The following INSYN2B variants were observed in gnomAD, a reference collection of about 807,000 sequenced individuals.
The protein encoded by INSYN2B is inhibitory synaptic factor family member 2B, also known as protein INSYN2B.
Under a neutral mutation model 41.2 loss-of-function variants are expected in INSYN2B, and 16 were observed. That is an observed-to-expected ratio of 0.39 (90% CI 0.26 to 0.59). INSYN2B has a LOEUF of 0.59. INSYN2B is among the 20% of genes least tolerant of loss of function. INSYN2B has a pLI of 0.57. For missense variants in INSYN2B, 608 were observed against 646.4 expected (o/e 0.94, Z 0.64); for synonymous variants, 245 against 244.4 (o/e 1.00, Z -0.02).
At chr5:169,893,829 G>A (rs547651755) in intron 1 of INSYN2B, among the ~76,000 whole-genome samples, 33 of 152,280 alleles carry the variant, frequency 2.2e-4, no homozygotes, top group African/African-American at 7.9e-4. Flanking sequence ...TTTCCACATG[G>A]GAGAGGGATC....
chr5:169,869,403 A>T (rs1771797802), intron 3 of INSYN2B, among the ~76,000 whole-genome samples: 1 of 152,260 alleles, frequency 6.6e-6, no homozygotes, highest in Non-Finnish European at 1.5e-5. Flanking sequence ...AATATGGAGA[A>T]GTGTGTGTGC....
At chr5:169,953,326 CTATCTCAAA>C in intron 1 of INSYN2B, among the ~76,000 whole-genome samples, 1 of 126,872 alleles carries the variant, frequency 7.9e-6, no homozygotes, top group Middle Eastern at 3.8e-3. Context: ...GAGCAAGACT[CTATCTCAAA>C]AAAAAAAAAA....
In INSYN2B at chr5:169,882,934, T is replaced by TGGGC; in HGVS notation, c.961_964dup (p.His322ArgfsTer14). The TGGGC allele has an allele frequency of 1.3e-6, 2 of 1,551,884 alleles. No homozygotes were observed. The highest frequency in any genetic ancestry group is 1.7e-6 in the Non-Finnish European group (2 of 1,146,940). On this transcript the variant is annotated frameshift_variant, in exon 2 of 4. Transcript: ENST00000377365. LOFTEE classifies it high-confidence loss of function. ...AGGACAGTCTGAGGCTCTTCCTGGG[T>TGGGC]GGGCTGGCTGGCTGTGGGAGCCTTG... is the stretch of plus-strand genomic sequence containing the variant.
intron 1 of INSYN2B, among the ~76,000 whole-genome samples, chr5:169,969,706 G>A (rs530260982): frequency 0.012 from 1,860 of 152,230 alleles, 44 homozygotes; most frequent in African/African-American, 0.042. Context: ...GAACTAGGTG[G>A]GGTGACCAAC....
At chr5:169,867,133 A>G (rs1771615212) in intron 3 of INSYN2B, among the ~76,000 whole-genome samples, 1 of 152,230 alleles carries the variant, frequency 6.6e-6, no homozygotes, top group Non-Finnish European at 1.5e-5. Flanking sequence ...GGATATTGCA[A>G]AGGATACAGA....
At chr5:169,934,748 A>C (rs1486272818) in intron 1 of INSYN2B, 1 of 455,826 alleles carries the variant, frequency 2.2e-6, no homozygotes, top group Non-Finnish European at 4.4e-6. Flanking sequence ...TCACGGGATC[A>C]GTGCTCAGTA....
rs70979150 is a variant in INSYN2B at position 169,961,978 on chromosome 5, C to CAA, written c.-919+18297_-919+18298dup. 8.8e-4 allele frequency among the ~76,000 whole-genome samples: 66 copies of CAA among 74,636 alleles called. 19 individuals carry two copies. Among genetic ancestry groups the CAA allele is most frequent in the African/African-American group, 3.5e-3 (51 of 14,776 alleles). 49.0% of individuals were successfully genotyped at this position (74,636 alleles called of 152,430 possible). A position where few individuals can be genotyped will look rare whatever the true frequency, so the allele number is the denominator to read the frequency against. On this transcript the variant is annotated intron_variant, in intron 1 of 3. Coordinates refer to ENST00000377365, the MANE Select transcript of INSYN2B (RefSeq NM_001129891.3). The stretch of plus-strand genomic sequence containing the variant: ...TGGGTGAAAAAGTGAGACTCTGTCC[C>CAA]AAAAAAAAAAAAAAAAATGGAGAAA...
At position 169,883,185 on chromosome 5, in the gene INSYN2B, G is replaced by A; in HGVS notation, c.714C>T (p.Asp238=). The A allele has an allele frequency of 6.4e-7, 1 of 1,551,634 alleles. No individual in the cohort carries two copies. Among genetic ancestry groups the A allele is most frequent in the Non-Finnish European group, 8.7e-7 (1 of 1,146,952 alleles). ...CCCTTCTCCCATCACCTGGACGTGT[G>A]TCATCCAAAGGGTGTATGGAGTTAC... ...EVSNSIHPLD[D]TRPGDGRRVT... The change falls in exon 2 of 4, where the codon GAC becomes GAT. Residue 238 remains aspartate (D), a synonymous_variant. Coordinates refer to ENST00000377365, the MANE Select transcript of INSYN2B (RefSeq NM_001129891.3).
intron 1 of INSYN2B, among the ~76,000 whole-genome samples, chr5:169,946,412 G>A (rs1431466656): frequency 6.6e-6 from 1 of 152,218 alleles, no homozygotes; most frequent in African/African-American, 2.4e-5. Flanking sequence ...GTTTCTTCAT[G>A]TGTGTTCTTA....
At chr5:169,909,560 T>C (rs1166627241) in intron 1 of INSYN2B, among the ~76,000 whole-genome samples, 5 of 152,218 alleles carry the variant, frequency 3.3e-5, no homozygotes, top group East Asian at 1.9e-4. Context: ...GTGAGTATTA[T>C]TATCTGCAAA....
chr5:169,963,244 A>G (rs551365630), intron 1 of INSYN2B, among the ~76,000 whole-genome samples: 2 of 152,286 alleles, frequency 1.3e-5, no homozygotes, highest in Admixed American at 6.5e-5. Context: ...GTTTATGTCC[A>G]TGAACTGATG....
Position 169,892,182 on chromosome 5 carries a change from C to G in INSYN2B, c.-918-7366G>C, listed in dbSNP as rs192514125. On this transcript the variant is annotated intron_variant, in intron 1 of 3. Transcript: ENST00000377365. The stretch of plus-strand genomic sequence containing the variant: ...TAAAACACAATAAAGTGGAGTTGTT[C>G]TAGAAAATGTAGGGGACTCAGTCCT... Among the ~76,000 whole-genome samples the G allele has an allele frequency of 2.1e-3, 318 of 152,140 alleles. 2 individuals carry two copies. The highest frequency in any genetic ancestry group is 3.4e-3 in the Non-Finnish European group (231 of 67,976).
intron 1 of INSYN2B, among the ~76,000 whole-genome samples, chr5:169,975,098 ATGCCCACACCTGC>A (rs371815851): frequency 4.6e-5 from 7 of 152,212 alleles, no homozygotes; most frequent in Admixed American, 2.0e-4. Flanking sequence ...ACTAAAGTCC[ATGCCCACACCTGC>A]TGAAGGAGGG....
chr5:169,928,477 C>G (rs1345922214), intron 1 of INSYN2B, among the ~76,000 whole-genome samples: 1 of 152,220 alleles, frequency 6.6e-6, no homozygotes, highest in Non-Finnish European at 1.5e-5. Context: ...CCTCGCTTCC[C>G]CATGCATCAG....
At chr5:169,977,256 C>T (rs984915143) in intron 1 of INSYN2B, among the ~76,000 whole-genome samples, 10 of 152,264 alleles carry the variant, frequency 6.6e-5, no homozygotes, top group East Asian at 1.9e-4. Flanking sequence ...GCATGTTCAG[C>T]GGCAGAGGCT....
intron 3 of INSYN2B, among the ~76,000 whole-genome samples, chr5:169,870,746 T>C (rs1265104148): frequency 2.0e-5 from 3 of 152,168 alleles, no homozygotes; most frequent in Non-Finnish European, 4.4e-5. Flanking sequence ...TATTTTATCC[T>C]CATGATAGCC....
chr5:169,863,772 G>A lies in INSYN2B; in HGVS notation c.*501C>T, dbSNP rs1771355815. 6.6e-6 allele frequency among the ~76,000 whole-genome samples: 1 copy of A among 152,204 alleles called. No individual in the cohort carries two copies. The highest frequency in any genetic ancestry group is 2.4e-5 in the African/African-American group (1 of 41,452). On this transcript the variant is annotated 3_prime_UTR_variant, in exon 4 of 4. Coordinates refer to ENST00000377365, the MANE Select transcript of INSYN2B (RefSeq NM_001129891.3). ...TTTATGCCCTGCCCACTTCTCTTGT[G>A]CTTATTATGTATGCTGATATCTTAG...
At chr5:169,889,186 T>C (rs1484533756) in intron 1 of INSYN2B, among the ~76,000 whole-genome samples, 2 of 152,332 alleles carry the variant, frequency 1.3e-5, no homozygotes, top group East Asian at 3.9e-4. Flanking sequence ...AATAGTTGGA[T>C]AGTTGCATGG....
chr5:169,865,877 G>T (rs960947588), intron 3 of INSYN2B, among the ~76,000 whole-genome samples: 5 of 152,242 alleles, frequency 3.3e-5, no homozygotes, highest in African/African-American at 1.2e-4. Context: ...ATCTGCCCTT[G>T]CTTACTCTCC....
Sources: allele counts gnomAD v4.1 joint callset (sites outside exome capture counted in the v4.1 genomes callset), GRCh38; gene constraint gnomAD v4.1.1; transcripts MANE v1.5; gene names NCBI Gene and HGNC (gene_info 2026-07-23, HGNC 2026-07-21).